CUX2: variants seen among roughly 807,000 people sequenced by gnomAD.
CUX2 encodes cut like homeobox 2, also known as homeobox protein cut-like 2.
In CUX2, 40 loss-of-function variants were observed where a neutral mutation model predicts 144.8. The ratio of observed to expected loss-of-function variants is 0.28; its 90% confidence interval spans 0.21 to 0.36. The LOEUF (loss-of-function observed/expected upper bound fraction) is 0.36, where lower values mean the gene tolerates loss of function less well. Among genes scored for constraint, CUX2 ranks in the 10% least tolerant of loss-of-function variants. CUX2 has a pLI of 1.00. For synonymous variants in CUX2, 827 were observed against 875.6 expected (o/e 0.94, Z 0.98); for missense variants, 1,615 against 1,994.0 (o/e 0.81, Z 3.62).
At chr12:111,169,844 G>T (rs76117172) in intron 1 of CUX2, among the ~76,000 whole-genome samples, 47 of 152,130 alleles carry the variant, frequency 3.1e-4, no homozygotes, top group Non-Finnish European at 5.7e-4. Context: ...ACACAGAGAC[G>T]TGGTTCTGCT....
intron 20 of CUX2, 119 bp from the exon 21 acceptor site, chr12:111,341,661 G>C (rs2136447909): frequency 8.2e-7 from 1 of 1,212,638 alleles, no homozygotes; most frequent in Non-Finnish European, 1.1e-6. Context: ...TCTAAGCTTA[G>C]GGCATGATGG....
intron 1 of CUX2, among the ~76,000 whole-genome samples, chr12:111,058,971 T>C (rs1870651834): frequency 6.6e-6 from 1 of 152,226 alleles, no homozygotes; most frequent in Non-Finnish European, 1.5e-5. Flanking sequence ...ATCAATATTG[T>C]TATCTTTAAA....
chr12:111,234,655 C>G (rs1882642606), intron 3 of CUX2, among the ~76,000 whole-genome samples: 1 of 151,682 alleles, frequency 6.6e-6, no homozygotes, highest in Non-Finnish European at 1.5e-5. Flanking sequence ...ATCAGGCAGA[C>G]CTGGGTTCAA....
At chr12:111,325,549 C>G (rs1243967360) in intron 18 of CUX2, among the ~76,000 whole-genome samples, 1 of 152,046 alleles carries the variant, frequency 6.6e-6, no homozygotes, top group Non-Finnish European at 1.5e-5. Context: ...CTTCCTGCCC[C>G]CTAGGGTCCC....
chr12:111,069,789 C>A (rs1345126320), intron 1 of CUX2, among the ~76,000 whole-genome samples: 1 of 152,138 alleles, frequency 6.6e-6, no homozygotes, highest in Non-Finnish European at 1.5e-5. Context: ...TTAAATACAT[C>A]TTTAAAGGCC....
At chr12:111,192,519 C>T (rs1879957853) in intron 1 of CUX2, among the ~76,000 whole-genome samples, 1 of 151,938 alleles carries the variant, frequency 6.6e-6, no homozygotes, top group Non-Finnish European at 1.5e-5. Flanking sequence ...ATGCCTTTTT[C>T]CTGCTTTCAC....
chr12:111,230,298 A>G (rs1383798690), intron 3 of CUX2, among the ~76,000 whole-genome samples: 3 of 152,174 alleles, frequency 2.0e-5, no homozygotes, highest in Non-Finnish European at 4.4e-5. Context: ...GGTGAGTTCC[A>G]GAGCTGAGTG....
rs1871122392 is a variant in CUX2, at chr12:111,068,692, T to G, written c.63+34452T>G. Among the ~76,000 whole-genome samples the G allele has an allele frequency of 6.6e-6, 1 of 152,172 alleles. No individual in the cohort carries two copies. The highest frequency in any genetic ancestry group is 1.5e-5 in the Non-Finnish European group (1 of 68,026). Reference sequence around the variant, plus strand: ...TGCGTGGTTCAACTCCGCCCCCTTCTTCCCTGATTCGTGTGCCCATGTCAG... The same window carrying G: ...TGCGTGGTTCAACTCCGCCCCCTTCGTCCCTGATTCGTGTGCCCATGTCAG... On this transcript the variant is annotated intron_variant, in intron 1 of 21. Transcript: ENST00000261726. This position sits in a 1 kb window ranked among gnomAD's most constrained non-coding sequence, Gnocchi z 4.9.
intron 1 of CUX2, among the ~76,000 whole-genome samples, chr12:111,098,859 C>T (rs1056409858): frequency 6.6e-6 from 1 of 152,250 alleles, no homozygotes; most frequent in African/African-American, 2.4e-5. Flanking sequence ...CACTTAGCAG[C>T]CGCCCATGGG....
chr12:111,265,309 T>A (rs929997522), intron 4 of CUX2, among the ~76,000 whole-genome samples: 2 of 143,640 alleles, frequency 1.4e-5, no homozygotes, highest in African/African-American at 2.7e-5. Context: ...TTTTATTTTA[T>A]TTTTATTTTA....
At chr12:111,204,585 G>T (rs1229932703) in intron 1 of CUX2, among the ~76,000 whole-genome samples, 1 of 152,170 alleles carries the variant, frequency 6.6e-6, no homozygotes, top group African/African-American at 2.4e-5. Context: ...ATAGGTTCGG[G>T]TCCCCATGAT....
chr12:111,291,390 C>T, intron 4 of CUX2, 28 bp from the exon 5 acceptor site: 1 of 1,578,600 alleles, frequency 6.3e-7, no homozygotes. Flanking sequence ...CAGGCCCTCA[C>T]TATCCCTGTC....
Position 111,228,615 on chromosome 12 carries a change from G to T in CUX2, c.222+10678G>T, listed in dbSNP as rs574201028. 3.3e-5 allele frequency among the ~76,000 whole-genome samples: 5 copies of T among 152,102 alleles called. No homozygotes were observed. In the South Asian group the frequency reaches 1.0e-3, roughly 32 times the overall value. On this transcript the variant is annotated intron_variant, in intron 3 of 21. Coordinates refer to ENST00000261726, the MANE Select transcript of CUX2 (RefSeq NM_015267.4). ...ATTTTTTTATTTTTAGTAGAGACAG[G>T]GCTTCACTATGTTGACCAGGCTGGT... is the stretch of plus-strand genomic sequence containing the variant.
rs1051398525 is a variant in CUX2 at position 111,061,929 on chromosome 12, G to A, written c.63+27689G>A. On this transcript the variant is annotated intron_variant, in intron 1 of 21. Transcript: ENST00000261726. The surrounding 1 kb of genome is among the most constrained non-coding windows in gnomAD (Gnocchi z 4.2). ...CTGCCCCTGCCAATAAGACTTCAGC[G>A]CGTGCACTCCATCTGTGCCTCAGCT... 7.2e-5 allele frequency among the ~76,000 whole-genome samples: 11 copies of A among 152,152 alleles called. No homozygotes were observed. Among genetic ancestry groups the A allele is most frequent in the African/African-American group, 1.9e-4 (8 of 41,442 alleles).
chr12:111,291,635 C>A, intron 5 of CUX2, 83 bp downstream of exon 5: 1 of 1,422,012 alleles, frequency 7.0e-7, no homozygotes, highest in South Asian at 1.6e-5. Context: ...AGCCTTGTTG[C>A]GGGGTGGCTG....
intron 1 of CUX2, among the ~76,000 whole-genome samples, chr12:111,116,305 T>A (rs531430941): frequency 1.2e-3 from 178 of 152,356 alleles, no homozygotes; most frequent in African/African-American, 4.0e-3. Flanking sequence ...GCTGTGCTTA[T>A]AATTAGGAAA....
chr12:111,100,223 C>G (rs1052568341), intron 1 of CUX2: 3 of 359,772 alleles, frequency 8.3e-6, no homozygotes, highest in South Asian at 2.1e-5. Flanking sequence ...GTGCTTGTGT[C>G]TGTGTGTGTC....
intron 1 of CUX2, among the ~76,000 whole-genome samples, chr12:111,131,021 T>C (rs1875437500): frequency 1.3e-5 from 2 of 152,234 alleles, no homozygotes; most frequent in African/African-American, 4.8e-5. Context: ...TTTTGGAGTG[T>C]AGCACACCTC....
Position 111,334,562 on chromosome 12 carries a change from G to A in CUX2, c.3048G>A (p.Glu1016=). 6.2e-7 allele frequency: 1 copy of A among 1,614,050 alleles called. No homozygotes were observed. The highest frequency in any genetic ancestry group is 8.5e-7 in the Non-Finnish European group (1 of 1,180,022). The change falls in exon 19 of 22, where the codon GAG becomes GAA. Residue 1016 remains glutamate (E), a synonymous_variant. Transcript: ENST00000261726. ...GCAGCAAGGAGAACCAGCAGCCAGAGGGCCGCTCCAGCTCCTCGTTGAGCG... is the reference window on the plus strand; with the variant it reads ...GCAGCAAGGAGAACCAGCAGCCAGAAGGCCGCTCCAGCTCCTCGTTGAGCG... ...LESSKENQQP[E]GRSSSSLSGK... is the part of the protein sequence containing the mutation.
Sources: gnomAD v4.1 joint callset for allele counts (sites outside exome capture counted in the v4.1 genomes callset) on GRCh38, gnomAD v4.1.1 for gene constraint, Gnocchi (gnomAD v3.1) non-coding constraint, MANE v1.5 for transcripts, NCBI Gene and HGNC (gene_info 2026-07-23, HGNC 2026-07-21) for gene names.